Variants in ATG10 observed in about 807,000 individuals in gnomAD.
ATG10 encodes the protein ubiquitin-like-conjugating enzyme ATG10.
ATG10 carries 30 observed loss-of-function variants against 32.1 expected under a neutral mutation model. The observed-to-expected ratio is 0.94, with a 90% confidence interval of 0.70 to 1.27. The LOEUF (loss-of-function observed/expected upper bound fraction) is 1.27. ATG10 is among the 50% of genes most tolerant of loss of function. ATG10 has a pLI of 0.00. For synonymous variants in ATG10, 87 were observed against 91.5 expected (o/e 0.95, Z 0.28); for missense variants, 233 against 262.3 (o/e 0.89, Z 0.77).
intron 2 of ATG10, among the ~76,000 whole-genome samples, chr5:82,002,774 A>T (rs1339084271): frequency 6.6e-6 from 1 of 152,082 alleles, no homozygotes; most frequent in Admixed American, 6.6e-5. Flanking sequence ...AAAAACCTAC[A>T]CAGGTACCCC....
chr5:82,090,716 A>G (rs1764853503), intron 3 of ATG10, among the ~76,000 whole-genome samples: 1 of 152,212 alleles, frequency 6.6e-6, no homozygotes, highest in South Asian at 2.1e-4. Flanking sequence ...GCACTGTATC[A>G]GTGCAAATCA....
At chr5:81,988,537 G>A (rs536950448) in intron 2 of ATG10, among the ~76,000 whole-genome samples, 2 of 152,048 alleles carry the variant, frequency 1.3e-5, no homozygotes, top group African/African-American at 2.4e-5. Context: ...GGGTTCAAGC[G>A]ATTCTTGTGC....
At position 82,254,886 on chromosome 5, in the gene ATG10, G is replaced by C. The variant is rs984567304; in HGVS notation, c.*823G>C. On this transcript the variant is annotated 3_prime_UTR_variant, in exon 8 of 8. Transcript: ENST00000282185. The stretch of plus-strand genomic sequence containing the variant: ...TCTGTTTTACTCCAAAAGAGAGAGA[G>C]AGAGTGAGTGTGAGTGTGTGTGTGT... The C allele has an allele frequency of 1.6e-5, 2 of 123,282 alleles. No individual in the cohort carries two copies. Among genetic ancestry groups the C allele is most frequent in the African/African-American group, 6.0e-5 (2 of 33,324 alleles). The allele number at this position is 123,282 out of a possible 1,614,324, so 7.6% of individuals were successfully genotyped here.
At chr5:82,235,592 T>C (rs938552633) in intron 5 of ATG10, among the ~76,000 whole-genome samples, 6 of 152,230 alleles carry the variant, frequency 3.9e-5, no homozygotes, top group Admixed American at 2.0e-4. Context: ...ACTGTCACCC[T>C]CAGGTGAGGG....
intron 5 of ATG10, among the ~76,000 whole-genome samples, chr5:82,191,025 C>T (rs1002499671): frequency 5.3e-5 from 8 of 151,888 alleles, no homozygotes; most frequent in African/African-American, 1.9e-4. Flanking sequence ...TTAGATATTC[C>T]CATATCAATC....
intron 2 of ATG10, among the ~76,000 whole-genome samples, chr5:82,036,675 C>T (rs566389083): frequency 3.9e-5 from 6 of 152,030 alleles, no homozygotes; most frequent in Non-Finnish European, 8.8e-5. Context: ...TGTCTTTACT[C>T]CTGTGCATTT....
chr5:82,043,511 G>T (rs939844332), intron 2 of ATG10, among the ~76,000 whole-genome samples: 1 of 152,176 alleles, frequency 6.6e-6, no homozygotes, highest in South Asian at 2.1e-4. Context: ...GAATTCTTCC[G>T]TGGAAAATGG....
intron 3 of ATG10, among the ~76,000 whole-genome samples, chr5:82,083,258 T>A (rs1425605360): frequency 6.6e-6 from 1 of 152,150 alleles, no homozygotes; most frequent in South Asian, 2.1e-4. Flanking sequence ...GAGATCAAAC[T>A]GCAAGGCAGC....
intron 2 of ATG10, among the ~76,000 whole-genome samples, chr5:82,013,989 C>G (rs1019808398): frequency 3.9e-5 from 6 of 152,306 alleles, no homozygotes; most frequent in South Asian, 2.1e-4. Context: ...TCTCTCTACA[C>G]ACTGCTTTAA....
intron 5 of ATG10, among the ~76,000 whole-genome samples, chr5:82,249,562 C>T (rs1747158643): frequency 6.6e-6 from 1 of 152,122 alleles, no homozygotes; most frequent in Non-Finnish European, 1.5e-5. Flanking sequence ...GTGGTATTAT[C>T]TCATTGAAGG....
chr5:82,156,240 G>A (rs1016641281), intron 3 of ATG10, among the ~76,000 whole-genome samples: 2 of 151,986 alleles, frequency 1.3e-5, no homozygotes, highest in Admixed American at 1.3e-4. Context: ...TGGTGAATGA[G>A]TTTCCTGACT....
At chr5:82,077,447 T>G (rs1764314128) in intron 3 of ATG10, among the ~76,000 whole-genome samples, 1 of 152,204 alleles carries the variant, frequency 6.6e-6, no homozygotes, top group Non-Finnish European at 1.5e-5. Context: ...GAAACTAGCA[T>G]TTGTAATAAT....
At chr5:82,074,909 A>C (rs1764227769) in intron 3 of ATG10, among the ~76,000 whole-genome samples, 1 of 152,190 alleles carries the variant, frequency 6.6e-6, no homozygotes, top group Non-Finnish European at 1.5e-5. Context: ...TGTAAAACTG[A>C]AGGACTTAAC....
chr5:82,003,531 G>A (rs1207622993), intron 2 of ATG10, among the ~76,000 whole-genome samples: 5 of 152,192 alleles, frequency 3.3e-5, no homozygotes, highest in Non-Finnish European at 7.3e-5. Flanking sequence ...TTAACATTAA[G>A]AGGCTTCCAT....
At chr5:82,111,590 G>A (rs1307639121) in intron 3 of ATG10, 2 of 151,838 alleles carry the variant, frequency 1.3e-5, no homozygotes, top group East Asian at 1.9e-4. Flanking sequence ...CAATTTTAAT[G>A]TTGTAAACAT....
intron 5 of ATG10, among the ~76,000 whole-genome samples, chr5:82,248,678 A>G (rs1747128188): frequency 6.6e-6 from 1 of 152,162 alleles, no homozygotes; most frequent in African/African-American, 2.4e-5. Context: ...TCTTTATTCT[A>G]TCACAGCTGG....
intron 3 of ATG10, among the ~76,000 whole-genome samples, chr5:82,091,110 A>G (rs760076890): frequency 1.3e-5 from 2 of 152,364 alleles, no homozygotes; most frequent in South Asian, 4.1e-4. Context: ...ATTTCAGGCA[A>G]CATGACCAAA....
chr5:82,211,550 C>G (rs1250612236), intron 5 of ATG10, among the ~76,000 whole-genome samples: 1 of 152,144 alleles, frequency 6.6e-6, no homozygotes, highest in Non-Finnish European at 1.5e-5. Flanking sequence ...TTGAATATTT[C>G]TTTTAGCTAT....
At chr5:82,138,260 A>G (rs1766852144) in intron 3 of ATG10, among the ~76,000 whole-genome samples, 1 of 151,990 alleles carries the variant, frequency 6.6e-6, no homozygotes, top group Non-Finnish European at 1.5e-5. Flanking sequence ...GTGTTCCAGG[A>G]GCCACTGGGG....
Sources: allele counts gnomAD v4.1 joint callset (sites outside exome capture counted in the v4.1 genomes callset), GRCh38; gene constraint gnomAD v4.1.1; transcripts MANE v1.5; gene names NCBI Gene and HGNC (gene_info 2026-07-23, HGNC 2026-07-21).